Variants in CERS6 observed in about 807,000 individuals in gnomAD.
The protein encoded by CERS6 is ceramide synthase 6.
Under a neutral mutation model 56.8 loss-of-function variants are expected in CERS6, and 26 were observed. The observed-to-expected ratio is 0.46, with a 90% CI of 0.34 to 0.63. CERS6 has a LOEUF of 0.63. Ranked by LOEUF, CERS6 falls within the 30% of genes least tolerant of loss-of-function variation. The pLI is 0.01. For missense variants in CERS6, 415 were observed against 467.5 expected (o/e 0.89, Z 1.04); for synonymous variants, 164 against 173.3 (o/e 0.95, Z 0.42).
At chr2:168,708,628 C>G (rs1687015653) in intron 6 of CERS6, among the ~76,000 whole-genome samples, 1 of 152,092 alleles carries the variant, frequency 6.6e-6, no homozygotes, top group South Asian at 2.1e-4. Context: ...AGTTAGATTA[C>G]AGACTTATTA....
At chr2:168,632,417 A>T in intron 4 of CERS6, among the ~76,000 whole-genome samples, 1 of 152,212 alleles carries the variant, frequency 6.6e-6, no homozygotes, top group East Asian at 1.9e-4. Context: ...TATTATAAAT[A>T]GTGGTTGTTT....
intron 4 of CERS6, among the ~76,000 whole-genome samples, chr2:168,646,620 T>C (rs1290606149): frequency 6.6e-6 from 1 of 152,244 alleles, no homozygotes; most frequent in African/African-American, 2.4e-5. Flanking sequence ...TGTGTTCCTG[T>C]GTCCAGGATG....
rs1260292754 is a variant in CERS6, at chr2:168,613,135, A to G, written c.408-17850A>G. On this transcript the variant is annotated intron_variant, in intron 3 of 9. Transcript: ENST00000305747. Reference sequence around the variant, plus strand: ...GAAGGAAGACTCAAGGACCTGGGACATTGAGTGAATAATAGTGTCCTTGAC... The same window carrying G: ...GAAGGAAGACTCAAGGACCTGGGACGTTGAGTGAATAATAGTGTCCTTGAC... 3.3e-5 allele frequency among the ~76,000 whole-genome samples: 5 copies of G among 152,350 alleles called. 1 individual carries two copies. The East Asian group carries it at 5.8e-4, about 18-fold the overall frequency.
chr2:168,499,036 C>G (rs1271701983), intron 1 of CERS6, among the ~76,000 whole-genome samples: 1 of 152,154 alleles, frequency 6.6e-6, no homozygotes, highest in African/African-American at 2.4e-5. Context: ...TTTACATTCT[C>G]CCCCTTTTGG....
At chr2:168,624,008 G>A (rs530385225) in intron 3 of CERS6, among the ~76,000 whole-genome samples, 6 of 152,246 alleles carry the variant, frequency 3.9e-5, no homozygotes, top group Admixed American at 2.6e-4. Context: ...AACAATGTCT[G>A]CTTCAAGAAA....
In CERS6 at chr2:168,534,467, A is replaced by G. The variant is rs368885540; in HGVS notation, c.171-13129A>G. ...TTGCTTTCTGTTTGTTTTTCTTTCA[A>G]TGGTCAGGTCCATTTTCTGCAGGGC... On this transcript the variant is annotated intron_variant, in intron 1 of 9. Transcript: ENST00000305747. Among the ~76,000 whole-genome samples, 7 of 146,986 alleles carry G rather than the reference A, an allele frequency of 4.8e-5. No individual in the cohort carries two copies. The South Asian group carries it at 8.5e-4, about 18-fold the overall frequency.
intron 1 of CERS6, among the ~76,000 whole-genome samples, chr2:168,477,979 T>C (rs1357202176): frequency 1.3e-5 from 2 of 152,232 alleles, no homozygotes. Context: ...GAAAGAAATA[T>C]GCTCTTTTTC....
intron 4 of CERS6, among the ~76,000 whole-genome samples, chr2:168,634,416 G>C (rs1263398619): frequency 6.6e-6 from 1 of 151,982 alleles, no homozygotes; most frequent in African/African-American, 2.4e-5. Context: ...TTGTTTGTTT[G>C]TTTGTTTGTT....
chr2:168,483,805 A>G (rs1198430894), intron 1 of CERS6, among the ~76,000 whole-genome samples: 3 of 152,248 alleles, frequency 2.0e-5, no homozygotes, highest in Admixed American at 6.5e-5. Flanking sequence ...GAAAATATTT[A>G]TGAACATCTC....
At chr2:168,531,213 G>A (rs1028745385) in intron 1 of CERS6, among the ~76,000 whole-genome samples, 8 of 152,298 alleles carry the variant, frequency 5.3e-5, no homozygotes, top group Admixed American at 3.9e-4. Flanking sequence ...GAGAAAAGAG[G>A]AAATGGGTTT....
intron 3 of CERS6, among the ~76,000 whole-genome samples, chr2:168,624,355 T>C (rs1230727469): frequency 6.6e-6 from 1 of 152,156 alleles, no homozygotes; most frequent in Admixed American, 6.5e-5. Context: ...TAATATTTAG[T>C]AGTAAAAACC....
chr2:168,540,449 C>T (rs1317692831), intron 1 of CERS6, among the ~76,000 whole-genome samples: 1 of 152,174 alleles, frequency 6.6e-6, no homozygotes, highest in Non-Finnish European at 1.5e-5. Context: ...TGTTTAGATA[C>T]ACAAGTACCA....
At chr2:168,504,689 T>C (rs11888917) in intron 1 of CERS6, among the ~76,000 whole-genome samples, 10,329 of 152,106 alleles carry the variant, frequency 0.068, 640 homozygotes, top group East Asian at 0.18. Context: ...TGTTAATGGC[T>C]CTTAGGTCTT....
intron 8 of CERS6, among the ~76,000 whole-genome samples, chr2:168,733,811 A>G (rs551050900): frequency 5.4e-4 from 83 of 152,310 alleles, no homozygotes; most frequent in African/African-American, 1.7e-3. Flanking sequence ...CAATGGACAC[A>G]TGTGATAGTG....
intron 8 of CERS6, among the ~76,000 whole-genome samples, chr2:168,746,787 A>G (rs1684110673): frequency 3.7e-5 from 3 of 80,606 alleles, no homozygotes; most frequent in East Asian, 4.3e-4. Flanking sequence ...ATATATATAT[A>G]TATATATATA....
rs1693679606 is a variant in CERS6, at chr2:168,456,988, AGGCTGCCAGGCAG to A, written c.170+375_170+387del. ...CCCCTCTCCGCCGGCGCGCCACGCAAGGCTGCCAGGCAGGGCTTCCCGCCGGGGCCCGCGCCAC... is the reference window on the plus strand; with the variant it reads ...CCCCTCTCCGCCGGCGCGCCACGCAAGGCTTCCCGCCGGGGCCCGCGCCAC... On this transcript the variant is annotated intron_variant, in intron 1 of 9. Transcript: ENST00000305747. This position sits in a 1 kb window ranked among gnomAD's most constrained non-coding sequence, Gnocchi z 4.1. 6.6e-6 allele frequency among the ~76,000 whole-genome samples: 1 copy of A among 152,186 alleles called. No individual in the cohort carries two copies. The highest frequency in any genetic ancestry group is 6.5e-5 in the Admixed American group (1 of 15,278).
intron 6 of CERS6, among the ~76,000 whole-genome samples, chr2:168,710,277 T>C (rs1687058306): frequency 6.6e-6 from 1 of 152,228 alleles, no homozygotes; most frequent in Non-Finnish European, 1.5e-5. Flanking sequence ...CATAAGTGTT[T>C]TAATCAATTT....
intron 4 of CERS6, among the ~76,000 whole-genome samples, chr2:168,647,305 G>T (rs1685228335): frequency 1.3e-5 from 2 of 151,960 alleles, no homozygotes; most frequent in Admixed American, 6.6e-5. Context: ...TTGCTTTTTT[G>T]ATTTGGCTCT....
chr2:168,585,516 C>T (rs1427941808), intron 3 of CERS6, among the ~76,000 whole-genome samples: 1 of 152,220 alleles, frequency 6.6e-6, no homozygotes, highest in Non-Finnish European at 1.5e-5. Flanking sequence ...CAAGCCAATT[C>T]TGCCTCAGTA....
Sources: gnomAD v4.1 joint callset for allele counts (sites outside exome capture counted in the v4.1 genomes callset) on GRCh38, gnomAD v4.1.1 for gene constraint, Gnocchi (gnomAD v3.1) non-coding constraint, MANE v1.5 for transcripts, NCBI Gene and HGNC (gene_info 2026-07-23, HGNC 2026-07-21) for gene names.